The following PLAAT3 variants were observed in gnomAD, a reference collection of about 807,000 sequenced individuals.
PLAAT3 encodes phospholipase A and acyltransferase 3, also known as Ca-independent phospholipase A1/2.
PLAAT3 carries 21 observed loss-of-function variants against 16.7 expected under a neutral mutation model. The observed-to-expected ratio is 1.26, with a 90% CI of 0.89 to 1.81. The LOEUF is 1.81. PLAAT3 is among the 40% of genes most tolerant of loss of function. The pLI, the probability that PLAAT3 is intolerant of heterozygous loss-of-function variation, is 0.00. For synonymous variants in PLAAT3, 76 were observed against 81.7 expected (o/e 0.93, Z 0.38); for missense variants, 219 against 213.7 (o/e 1.02, Z -0.16).
chr11:63,595,601 G>A (rs977942104), intron 3 of PLAAT3, among the ~76,000 whole-genome samples: 8 of 152,104 alleles, frequency 5.3e-5, no homozygotes, highest in East Asian at 1.9e-4. Flanking sequence ...TGGGCGAGGC[G>A]TGGGGAGGCA....
intron 4 of PLAAT3, among the ~76,000 whole-genome samples, chr11:63,584,582 C>T (rs935641103): frequency 9.5e-4 from 141 of 149,140 alleles, no homozygotes; most frequent in Non-Finnish European, 1.3e-3. Flanking sequence ...GGTGCAATCT[C>T]GGCTCACTGC....
intron 2 of PLAAT3, among the ~76,000 whole-genome samples, chr11:63,612,005 G>A (rs931006511): frequency 2.6e-5 from 4 of 152,202 alleles, no homozygotes; most frequent in Non-Finnish European, 5.9e-5. Flanking sequence ...AGGCGCGGTG[G>A]CGCATGCCTG....
At chr11:63,597,153 G>T (rs915261376) in intron 3 of PLAAT3, among the ~76,000 whole-genome samples, 1 of 151,812 alleles carries the variant, frequency 6.6e-6, no homozygotes, top group African/African-American at 2.4e-5. Flanking sequence ...GACCTGCCTT[G>T]CTTCCCCTTC....
At chr11:63,594,752 A>AGGCCGGGCGTTTGATCAACG (rs1229276342) in intron 3 of PLAAT3, among the ~76,000 whole-genome samples, 1 of 152,188 alleles carries the variant, frequency 6.6e-6, no homozygotes, top group Non-Finnish European at 1.5e-5. Flanking sequence ...GAAGGATGTG[A>AGGCCGGGCGTTTGATCAACG]GGCCGGGCGT....
At position 63,590,374 on chromosome 11, in the gene PLAAT3, G is replaced by A. The variant is rs770990565; in HGVS notation, c.119-6C>T. 3.1e-6 allele frequency: 5 copies of A among 1,613,086 alleles called. No homozygotes were observed. The African/African-American group carries it at 4.0e-5, about 13-fold the overall frequency. ...ACCAGCTCCTGCGACCTCACCTGCA[G>A]ATCCACAAAGAGGAAACAGAGGGAT... On this transcript the variant is annotated splice_region_variant and splice_polypyrimidine_tract_variant and intron_variant, in intron 3 of 4. Transcript: ENST00000415826.
intron 2 of PLAAT3, among the ~76,000 whole-genome samples, chr11:63,600,274 C>T (rs1284242041): frequency 1.3e-5 from 2 of 152,174 alleles, no homozygotes; most frequent in Admixed American, 6.5e-5. Context: ...CGTGCCATCG[C>T]GCCCAGCCCC....
intron 3 of PLAAT3, among the ~76,000 whole-genome samples, chr11:63,593,274 C>T (rs570387768): frequency 6.6e-6 from 1 of 152,340 alleles, no homozygotes; most frequent in African/African-American, 2.4e-5. Flanking sequence ...AGTGACATGG[C>T]AAGGATGACC....
At chr11:63,605,788 G>A (rs1233899583) in intron 2 of PLAAT3, among the ~76,000 whole-genome samples, 3 of 151,982 alleles carry the variant, frequency 2.0e-5, no homozygotes, top group Non-Finnish European at 4.4e-5. Flanking sequence ...TCCTGACCTC[G>A]TGATCCACCC....
intron 4 of PLAAT3, among the ~76,000 whole-genome samples, chr11:63,583,433 T>G (rs1271811029): frequency 6.6e-6 from 1 of 152,226 alleles, no homozygotes; most frequent in Non-Finnish European, 1.5e-5. Context: ...AAACAAAAGC[T>G]GATGCAACTG....
intron 4 of PLAAT3, among the ~76,000 whole-genome samples, chr11:63,586,133 C>T (rs969810954): frequency 3.4e-5 from 5 of 149,044 alleles, no homozygotes; most frequent in East Asian, 3.9e-4. Context: ...TGTGTGTGTG[C>T]ACGTGTATGT....
intron 2 of PLAAT3, among the ~76,000 whole-genome samples, 200 bp downstream of exon 2, chr11:63,613,800 C>G (rs1238943925): frequency 1.3e-5 from 2 of 152,272 alleles, no homozygotes; most frequent in African/African-American, 4.8e-5. Context: ...ACACCGGCCC[C>G]CGGAAGGACG....
chr11:63,589,957 T>A, intron 4 of PLAAT3, 143 bp downstream of exon 4: 43 of 162,046 alleles, frequency 2.7e-4, no homozygotes, highest in East Asian at 7.3e-4. Flanking sequence ...GTCCCCACCC[T>A]TGTCCCAACT....
At chr11:63,588,439 T>C (rs141174685) in intron 4 of PLAAT3, among the ~76,000 whole-genome samples, 50 of 147,980 alleles carry the variant, frequency 3.4e-4, no homozygotes, top group African/African-American at 1.2e-3. Flanking sequence ...CCCCAAGAGA[T>C]AGATGTAGTA....
Position 63,590,266 on chromosome 11 carries a change from T to C in PLAAT3, c.221A>G (p.Tyr74Cys). Residue 74 changes from tyrosine (Y) to cysteine (C), a missense_variant, in exon 4 of 5, where the codon TAC becomes TGC. By Grantham distance (194) the Tyr-to-Cys change is radical. Transcript: ENST00000415826. ...LLYDVAGSDK[Y>C]QVNNKHDDKY... is the part of the protein sequence containing the mutation. Reference sequence around the variant, plus strand: ...GTCATCATGTTTGTTGTTGACCTGGTACTTGTCACTCCCGGCCACATCATA... The same window carrying C: ...GTCATCATGTTTGTTGTTGACCTGGCACTTGTCACTCCCGGCCACATCATA... The C allele has an allele frequency of 6.2e-7, 1 of 1,614,228 alleles. No individual in the cohort carries two copies. Among genetic ancestry groups the C allele is most frequent in the Non-Finnish European group, 8.5e-7 (1 of 1,180,022 alleles).
chr11:63,587,611 G>T (rs1326751818), intron 4 of PLAAT3, among the ~76,000 whole-genome samples: 3 of 149,306 alleles, frequency 2.0e-5, no homozygotes, highest in African/African-American at 4.9e-5. Flanking sequence ...CTGGAGTACA[G>T]TGGCGTGATC....
intron 2 of PLAAT3, among the ~76,000 whole-genome samples, chr11:63,604,781 T>C (rs192973298): frequency 4.6e-5 from 7 of 152,206 alleles, no homozygotes; most frequent in Admixed American, 4.6e-4. Flanking sequence ...AAGTATTTTC[T>C]AGTTTTCCAA....
At chr11:63,579,643 G>A (rs1308775363) in intron 4 of PLAAT3, among the ~76,000 whole-genome samples, 1 of 146,392 alleles carries the variant, frequency 6.8e-6, no homozygotes, top group Admixed American at 7.1e-5. Flanking sequence ...AACATCGCAT[G>A]TTCTCACTCA....
At chr11:63,615,030 G>GTATGTATATA (rs1241966323), upstream of PLAAT3, among the ~76,000 whole-genome samples, 1 of 34,226 alleles carries the variant, frequency 2.9e-5, no homozygotes, top group Admixed American at 5.2e-4. Context: ...ATATATATGT[G>GTATGTATATA]TGTATATATA....
chr11:63,576,947 C>T (rs1160887730), intron 4 of PLAAT3, among the ~76,000 whole-genome samples: 1 of 152,070 alleles, frequency 6.6e-6, no homozygotes, highest in Non-Finnish European at 1.5e-5. Flanking sequence ...GTTTAAAATG[C>T]TTTAAGGAAT....
Sources: gnomAD v4.1 joint callset for allele counts (sites outside exome capture counted in the v4.1 genomes callset) on GRCh38, gnomAD v4.1.1 for gene constraint, MANE v1.5 for transcripts, NCBI Gene and HGNC (gene_info 2026-07-23, HGNC 2026-07-21) for gene names.